SPMIP4: variants seen among roughly 807,000 people sequenced by gnomAD.
SPMIP4 encodes sperm microtubule inner protein 4, also known as sperm-associated microtubule inner protein 4.
chr7:25,172,337 G>A, the SPMIP4 span, among the ~76,000 whole-genome samples: 22 of 152,260 alleles, frequency 1.4e-4, no homozygotes, highest in Non-Finnish European at 2.9e-4. The surrounding 1 kb of genome is among the most constrained non-coding windows in gnomAD (Gnocchi z 4.2). Flanking sequence ...TAAGGGAAGA[G>A]GGAGATGAGA....
the SPMIP4 span, chr7:25,136,639 G>C: frequency 3.1e-6 from 5 of 1,614,140 alleles, no homozygotes; most frequent in Non-Finnish European, 4.2e-6. The surrounding 1 kb of genome is among the most constrained non-coding windows in gnomAD (Gnocchi z 5.7). Flanking sequence ...GGGTACAAAG[G>C]TATGAAAATT....
chr7:25,178,172 T>C, the SPMIP4 span, among the ~76,000 whole-genome samples: 1 of 152,242 alleles, frequency 6.6e-6, no homozygotes, highest in Non-Finnish European at 1.5e-5. Flanking sequence ...TATTCCATGG[T>C]GTATATGTAC....
At chr7:25,136,260 G>A in the SPMIP4 span, 1 of 1,613,980 alleles carries the variant, frequency 6.2e-7, no homozygotes, top group South Asian at 1.1e-5. This position sits in a 1 kb window ranked among gnomAD's most constrained non-coding sequence, Gnocchi z 5.7. Context: ...AAGCTTCCGT[G>A]TCTTGTTTAT....
At chr7:25,163,874 A>C in the SPMIP4 span, among the ~76,000 whole-genome samples, 1 of 152,192 alleles carries the variant, frequency 6.6e-6, no homozygotes, top group Non-Finnish European at 1.5e-5. The surrounding 1 kb of genome is among the most constrained non-coding windows in gnomAD (Gnocchi z 4.4). Context: ...AACTTACTAA[A>C]TGTCTCATTC....
chr7:25,159,625 C>T, the SPMIP4 span, among the ~76,000 whole-genome samples: 4 of 152,110 alleles, frequency 2.6e-5, no homozygotes, highest in African/African-American at 9.7e-5. Flanking sequence ...CAGATACTCC[C>T]TAGAAAGTGG....
chr7:25,136,147 C>G, the SPMIP4 span: 11 of 1,614,122 alleles, frequency 6.8e-6, no homozygotes, highest in Non-Finnish European at 1.7e-6. This position sits in a 1 kb window ranked among gnomAD's most constrained non-coding sequence, Gnocchi z 5.7. Context: ...TTTGGTCACT[C>G]CAGCTCTAGG....
chr7:25,152,368 G>C, the SPMIP4 span, among the ~76,000 whole-genome samples: 11 of 152,210 alleles, frequency 7.2e-5, no homozygotes, highest in Admixed American at 2.6e-4. Context: ...CTTTGCTCTC[G>C]TGATAAGTTT....
the SPMIP4 span, among the ~76,000 whole-genome samples, chr7:25,131,570 G>T: frequency 6.6e-6 from 1 of 152,192 alleles, no homozygotes; most frequent in Non-Finnish European, 1.5e-5. This position sits in a 1 kb window ranked among gnomAD's most constrained non-coding sequence, Gnocchi z 4.2. Flanking sequence ...GTTACGGTGG[G>T]GGAGGAGTGG....
the SPMIP4 span, among the ~76,000 whole-genome samples, chr7:25,172,171 T>C: frequency 6.6e-6 from 1 of 152,186 alleles, no homozygotes; most frequent in Non-Finnish European, 1.5e-5. The surrounding 1 kb of genome is among the most constrained non-coding windows in gnomAD (Gnocchi z 4.2). Context: ...TACTTTTGTT[T>C]GGTAAAATAT....
the SPMIP4 span, among the ~76,000 whole-genome samples, chr7:25,133,004 G>A: frequency 1.6e-4 from 24 of 152,086 alleles, no homozygotes; most frequent in African/African-American, 5.8e-4. Flanking sequence ...AACTCCTTAT[G>A]TATGTTAAAT....
the SPMIP4 span, among the ~76,000 whole-genome samples, chr7:25,130,312 C>CTTT: frequency 1.6e-3 from 207 of 131,692 alleles, no homozygotes; most frequent in Non-Finnish European, 2.5e-3. Flanking sequence ...GTTATCACTT[C>CTTT]TTTTTTTTTT....
At chr7:25,134,928 C>G in the SPMIP4 span, 48 of 985,282 alleles carry the variant, frequency 4.9e-5, no homozygotes, top group Non-Finnish European at 5.3e-5. Flanking sequence ...CATAATGTAA[C>G]TAGTGCTGTA....
At chr7:25,172,936 G>T in the SPMIP4 span, among the ~76,000 whole-genome samples, 2 of 147,534 alleles carry the variant, frequency 1.4e-5, no homozygotes, top group Non-Finnish European at 1.5e-5. This position sits in a 1 kb window ranked among gnomAD's most constrained non-coding sequence, Gnocchi z 4.2. Flanking sequence ...ACTATACCCT[G>T]AGAACAGTAG....
the SPMIP4 span, chr7:25,161,141 C>A: frequency 2.6e-6 from 3 of 1,170,304 alleles, no homozygotes; most frequent in Non-Finnish European, 3.6e-6. Flanking sequence ...CTCATTTCCA[C>A]TTAAAAATGT....
chr7:25,168,290 T>C, the SPMIP4 span: 6 of 1,598,394 alleles, frequency 3.8e-6, no homozygotes, highest in African/African-American at 4.1e-5. Context: ...TTTATTTACC[T>C]TGGCCAGGTT....
chr7:25,160,070 T>C, the SPMIP4 span, among the ~76,000 whole-genome samples: 11 of 152,184 alleles, frequency 7.2e-5, no homozygotes, highest in African/African-American at 2.7e-4. Context: ...TAACAAATGC[T>C]GAGACACCTC....
the SPMIP4 span, among the ~76,000 whole-genome samples, chr7:25,157,189 T>C: frequency 6.6e-6 from 1 of 152,202 alleles, no homozygotes; most frequent in Non-Finnish European, 1.5e-5. Context: ...ACCTAAGTAC[T>C]AAAGCACAAA....
the SPMIP4 span, chr7:25,179,383 A>G: frequency 6.5e-6 from 10 of 1,532,524 alleles, no homozygotes; most frequent in African/African-American, 1.4e-4. Flanking sequence ...AGGCAGGCAG[A>G]AAACACATTT....
At chr7:25,168,978 C>T in the SPMIP4 span, among the ~76,000 whole-genome samples, 431 of 152,010 alleles carry the variant, frequency 2.8e-3, no homozygotes, top group African/African-American at 9.8e-3. Context: ...CCACCCGCCT[C>T]GGCCTCCCAA....
Sources: gnomAD v4.1 joint callset for allele counts (sites outside exome capture counted in the v4.1 genomes callset) on GRCh38, gnomAD v4.1.1 for gene constraint, Gnocchi (gnomAD v3.1) non-coding constraint, MANE v1.5 for transcripts, NCBI Gene and HGNC (gene_info 2026-07-23, HGNC 2026-07-21) for gene names.